The following MAPK9 variants were observed in gnomAD, a reference collection of about 807,000 sequenced individuals.
MAPK9 encodes Jun kinase.
A neutral mutation model predicts 57.1 loss-of-function variants in MAPK9; 30 were observed. The observed-to-expected ratio is 0.53, with a 90% CI of 0.39 to 0.71. MAPK9 has a LOEUF of 0.71. MAPK9 is among the 30% of genes least tolerant of loss of function. The pLI is 0.00. For missense variants in MAPK9, 362 were observed against 521.0 expected, an observed-to-expected ratio of 0.69 and a Z score of 2.97; for synonymous variants, 155 against 177.0, an observed-to-expected ratio of 0.88 and a Z score of 0.99.
intron 5 of MAPK9, among the ~76,000 whole-genome samples, chr5:180,259,751 G>C (rs949593560): frequency 2.6e-5 from 4 of 152,188 alleles, no homozygotes; most frequent in African/African-American, 9.7e-5. Context: ...TTGCAATGTG[G>C]TGAAGTCTTC....
At chr5:180,241,448 C>A (rs2127576198) in intron 8 of MAPK9, among the ~76,000 whole-genome samples, 1 of 152,188 alleles carries the variant, frequency 6.6e-6, no homozygotes, top group Non-Finnish European at 1.5e-5. Context: ...CAGGCGTCTG[C>A]CACCATGCCC....
At chr5:180,249,181 G>A in intron 5 of MAPK9, 43 bp from the exon 6 acceptor site, 1 of 1,566,032 alleles carries the variant, frequency 6.4e-7, no homozygotes, top group Non-Finnish European at 8.7e-7. Flanking sequence ...AATGAAGCAT[G>A]CTAAATAAAC....
chr5:180,276,293 G>T (rs991054919), intron 2 of MAPK9, among the ~76,000 whole-genome samples: 1 of 152,166 alleles, frequency 6.6e-6, no homozygotes, highest in Non-Finnish European at 1.5e-5. Context: ...ATTATTTCAT[G>T]TTAAGGCTGT....
At position 180,261,622 on chromosome 5, in the gene MAPK9, G is replaced by A. The variant is rs1759977527; in HGVS notation, c.450+62C>T. 6 of 1,408,884 alleles carry A rather than the reference G, an allele frequency of 4.3e-6. No individual in the cohort carries two copies. The East Asian group carries it at 1.5e-4, about 35-fold the overall frequency. 87.3% of individuals were successfully genotyped at this position (1,408,884 alleles called of 1,614,324 possible). A position where few individuals can be genotyped will look rare whatever the true frequency, so the allele number is the denominator to read the frequency against. ...ATTTTTTTTAAATGTTATTTTGTAT[G>A]TAAAGGATTATGACAACCAAATGAT... On this transcript the variant is annotated intron_variant, in intron 5 of 11. Transcript: ENST00000452135.
chr5:180,242,832 AT>A, intron 7 of MAPK9, 77 bp from the exon 8 acceptor site: 1 of 1,162,678 alleles, frequency 8.6e-7, no homozygotes, highest in Non-Finnish European at 1.2e-6. Flanking sequence ...CTTGAATAAT[AT>A]TTAAACCTAT....
rs1222798191 is a variant in MAPK9, at chr5:180,274,378, CCTTTAAAGGCAGAGTTTGCT to C, written c.123-4989_123-4970del. Among the ~76,000 whole-genome samples, 10 of 152,108 alleles carry C rather than the reference CCTTTAAAGGCAGAGTTTGCT, an allele frequency of 6.6e-5. No individual in the cohort carries two copies. The South Asian group carries it at 1.9e-3, about 28-fold the overall frequency. ...GTGGGCCTATTCTTATCACGAGAGC[CCTTTAAAGGCAGAGTTTGCT>C]CTGGCTCATGGAAAGGGTGGAAAAT... On this transcript the variant is annotated intron_variant, in intron 2 of 11. Transcript: ENST00000452135.
chr5:180,268,116 A>T (rs80053410), intron 3 of MAPK9, among the ~76,000 whole-genome samples: 1 of 151,998 alleles, frequency 6.6e-6, no homozygotes, highest in Non-Finnish European at 1.5e-5. Flanking sequence ...GAGCCACTGC[A>T]CCCGGCCAAC....
intron 1 of MAPK9, among the ~76,000 whole-genome samples, chr5:180,286,035 A>C (rs1181943439): frequency 6.8e-6 from 1 of 147,724 alleles, no homozygotes; most frequent in Non-Finnish European, 1.5e-5. Flanking sequence ...AGCCAAGATC[A>C]CACCATTGCA....
At chr5:180,290,182 C>T (rs1444056059) in intron 1 of MAPK9, among the ~76,000 whole-genome samples, 2 of 152,330 alleles carry the variant, frequency 1.3e-5, no homozygotes, top group East Asian at 3.9e-4. Flanking sequence ...TTCTAGAAAA[C>T]TGCTGGGTAA....
intron 5 of MAPK9, among the ~76,000 whole-genome samples, chr5:180,255,280 A>G (rs1759155129): frequency 6.6e-6 from 1 of 152,094 alleles, no homozygotes; most frequent in Non-Finnish European, 1.5e-5. Flanking sequence ...CACCAAAACA[A>G]GGGGGTAATC....
At chr5:180,256,403 C>T (rs1299686867) in intron 5 of MAPK9, among the ~76,000 whole-genome samples, 1 of 84,046 alleles carries the variant, frequency 1.2e-5, no homozygotes, top group African/African-American at 4.8e-5. Context: ...AGGGGTGGGG[C>T]AGGGGGGCAG....
chr5:180,238,170 T>C, intron 11 of MAPK9, 162 bp downstream of exon 11: 1 of 499,060 alleles, frequency 2.0e-6, no homozygotes, highest in South Asian at 2.0e-5. Context: ...CTCGGGAGGC[T>C]GAGGCAGGAG....
rs773630890 is a variant in MAPK9, at chr5:180,269,342, G to T, written c.190C>A (p.Gln64Lys). ...CGATAAGCTCTCTTTGCATGAGTTT[G>T]GTTCTGAAAAGGACGGCTTAGTTTC... ...VKKLSRPFQNQTHAKRAYREL... is the reference protein window; with the variant it reads ...VKKLSRPFQNKTHAKRAYREL... Residue 64 changes from glutamine (Q) to lysine (K), a missense_variant, in exon 3 of 12, where the codon CAA becomes AAA. Coordinates refer to ENST00000452135, the MANE Select transcript of MAPK9 (RefSeq NM_002752.5). 1.9e-6 allele frequency: 3 copies of T among 1,613,764 alleles called. No individual in the cohort carries two copies. The highest frequency in any genetic ancestry group is 2.2e-5 in the South Asian group (2 of 91,084).
chr5:180,267,734 G>C (rs188171584), intron 3 of MAPK9, among the ~76,000 whole-genome samples: 1 of 152,014 alleles, frequency 6.6e-6, no homozygotes, highest in South Asian at 2.1e-4. Flanking sequence ...GCATGGTGGC[G>C]CACGCCTATG....
chr5:180,265,201 T>C (rs1377838447), intron 3 of MAPK9, among the ~76,000 whole-genome samples: 1 of 152,232 alleles, frequency 6.6e-6, no homozygotes, highest in African/African-American at 2.4e-5. Context: ...GTTTGAAATA[T>C]GAAGGCTAAG....
chr5:180,250,415 A>G (rs952500105), intron 5 of MAPK9, among the ~76,000 whole-genome samples: 3 of 152,112 alleles, frequency 2.0e-5, no homozygotes, highest in Non-Finnish European at 2.9e-5. Flanking sequence ...ACCCACACCC[A>G]TTCTTTTCAC....
chr5:180,244,310 C>T (rs1561786591), intron 7 of MAPK9, among the ~76,000 whole-genome samples: 1 of 152,196 alleles, frequency 6.6e-6, no homozygotes, highest in African/African-American at 2.4e-5. Flanking sequence ...GACTCAAGGA[C>T]AAGCTCCCTC....
In MAPK9 at chr5:180,292,015, G is replaced by A. The variant is rs918619165; in HGVS notation, c.-215C>T. ...CGCCGCCGCAGTGGGTGTGAGGGGC[G>A]CCGGGGCGCTGCGACCCTTCCGGTC... On this transcript the variant is annotated 5_prime_UTR_variant, in exon 1 of 12. Coordinates refer to ENST00000452135, the MANE Select transcript of MAPK9 (RefSeq NM_002752.5). The A allele has an allele frequency of 6.5e-4, 102 of 156,710 alleles. No homozygotes were observed. Among genetic ancestry groups the A allele is most frequent in the Middle Eastern group, 6.3e-3 (2 of 316 alleles). 9.7% of individuals were successfully genotyped at this position (156,710 alleles called of 1,614,324 possible). A position where few individuals can be genotyped will look rare whatever the true frequency, so the allele number is the denominator to read the frequency against.
rs911679477 is a variant in MAPK9, at chr5:180,235,299, AGAG to A, written c.*1082_*1084del. 12 of 152,178 alleles carry A rather than the reference AGAG, an allele frequency of 7.9e-5. No homozygotes were observed. The highest frequency in any genetic ancestry group is 5.2e-4 in the Admixed American group (8 of 15,272). The allele number at this position is 152,178 out of a possible 1,614,324, so 9.4% of individuals were successfully genotyped here. On this transcript the variant is annotated 3_prime_UTR_variant, in exon 12 of 12. Coordinates refer to ENST00000452135, the MANE Select transcript of MAPK9 (RefSeq NM_002752.5). ...AGCCTGGCCTCTGAAAACAGACCAAAGAGGAGTTTATCTGCTTTCTTCCAGTGA... is the reference window on the plus strand; with the variant it reads ...AGCCTGGCCTCTGAAAACAGACCAAAGAGTTTATCTGCTTTCTTCCAGTGA...
Sources: gnomAD v4.1 joint callset for allele counts (sites outside exome capture counted in the v4.1 genomes callset) on GRCh38, gnomAD v4.1.1 for gene constraint, MANE v1.5 for transcripts, NCBI Gene and HGNC (gene_info 2026-07-23, HGNC 2026-07-21) for gene names.